Variants in TRIM11 observed in about 807,000 individuals in gnomAD.
The protein encoded by TRIM11 is tripartite motif containing 11, also known as E3 ubiquitin-protein ligase TRIM11.
TRIM11 carries 15 observed loss-of-function variants against 33.4 expected under a neutral mutation model. That is an observed-to-expected ratio of 0.45 (90% confidence interval 0.30 to 0.69). The LOEUF is 0.69. Among genes scored for constraint, TRIM11 ranks in the 30% least tolerant of loss-of-function variants. The pLI is 0.08. For synonymous variants in TRIM11, 281 were observed against 302.6 expected, an observed-to-expected ratio of 0.93 and a Z score of 0.74; for missense variants, 499 against 667.6, an observed-to-expected ratio of 0.75 and a Z score of 2.78.
chr1:228,401,937 C>A lies in TRIM11; in HGVS notation c.504+129G>T, dbSNP rs1407456066. Reference sequence around the variant, plus strand: ...CTTCAGTGGGCTCGGTGGGGCCAGGCTGAAGCAGTGACTGGTCCTGGGGCG... The same window carrying A: ...CTTCAGTGGGCTCGGTGGGGCCAGGATGAAGCAGTGACTGGTCCTGGGGCG... On this transcript the variant is annotated intron_variant, in intron 2 of 5. Transcript: ENST00000284551. The surrounding 1 kb of genome is among the most constrained non-coding windows in gnomAD (Gnocchi z 6.1). 3.2e-6 allele frequency: 2 copies of A among 616,502 alleles called. No individual in the cohort carries two copies. The highest frequency in any genetic ancestry group is 5.2e-6 in the Non-Finnish European group (2 of 382,382). The allele number at this position is 616,502 out of a possible 1,614,324, so 38.2% of individuals were successfully genotyped here.
rs1477133593 is a variant in TRIM11 at position 228,406,598 on chromosome 1, G to T, written c.-37C>A. Reference sequence around the variant, plus strand: ...AGGGGAGGAAGGCGGTACTGTCCGCGGGGCGGCGGCGGGCGGCCTCGGCAG... The same window carrying T: ...AGGGGAGGAAGGCGGTACTGTCCGCTGGGCGGCGGCGGGCGGCCTCGGCAG... On this transcript the variant is annotated 5_prime_UTR_variant, in exon 1 of 6. Transcript: ENST00000284551. The surrounding 1 kb of genome is among the most constrained non-coding windows in gnomAD (Gnocchi z 8.2). 5 of 1,404,612 alleles carry T rather than the reference G, an allele frequency of 3.6e-6. No homozygotes were observed. The African/African-American group carries it at 4.4e-5, about 12-fold the overall frequency. 87.0% of individuals were successfully genotyped at this position (1,404,612 alleles called of 1,614,324 possible).
At chr1:228,402,011 C>T in intron 2 of TRIM11, 55 bp downstream of exon 2, 1 of 1,498,300 alleles carries the variant, frequency 6.7e-7, no homozygotes, top group East Asian at 2.3e-5. Context: ...GTCTCCTATA[C>T]AGGACCTTCA....
Position 228,406,619 on chromosome 1 carries a change from G to A in TRIM11, c.-58C>T. 7.3e-7 allele frequency: 1 copy of A among 1,373,546 alleles called. No homozygotes were observed. The highest frequency in any genetic ancestry group is 9.4e-7 in the Non-Finnish European group (1 of 1,064,706). The allele number at this position is 1,373,546 out of a possible 1,614,324, so 85.1% of individuals were successfully genotyped here. A position where few individuals can be genotyped will look rare whatever the true frequency, so the allele number is the denominator to read the frequency against. On this transcript the variant is annotated 5_prime_UTR_variant, in exon 1 of 6. Transcript: ENST00000284551. This position sits in a 1 kb window ranked among gnomAD's most constrained non-coding sequence, Gnocchi z 8.2. Reference sequence around the variant, plus strand: ...CCGCGGGGCGGCGGCGGGCGGCCTCGGCAGCTCGCGGGGACGCGGGGTATC... The same window carrying A: ...CCGCGGGGCGGCGGCGGGCGGCCTCAGCAGCTCGCGGGGACGCGGGGTATC...
intron 3 of TRIM11, among the ~76,000 whole-genome samples, chr1:228,398,616 A>G (rs2075005813): frequency 1.3e-5 from 2 of 152,208 alleles, no homozygotes. Flanking sequence ...CCCTGTCTCA[A>G]TAAATAATTC....
intron 1 of TRIM11, chr1:228,405,057 C>G (rs1656352716): frequency 6.6e-6 from 1 of 152,224 alleles, no homozygotes; most frequent in African/African-American, 2.4e-5. Context: ...CTCTATAGAG[C>G]TATTGGGCAC....
chr1:228,398,902 C>T (rs1382446908), intron 3 of TRIM11, among the ~76,000 whole-genome samples: 1 of 151,994 alleles, frequency 6.6e-6, no homozygotes, highest in East Asian at 1.9e-4. Context: ...TAGAGGAGAA[C>T]CTTGGCCTCG....
chr1:228,397,318 C>T (rs1196819829), intron 3 of TRIM11, 153 bp from the exon 4 acceptor site: 1 of 782,842 alleles, frequency 1.3e-6, no homozygotes, highest in Non-Finnish European at 2.1e-6. Context: ...AAACCACCCG[C>T]AGCAAGGCTC....
chr1:228,399,324 G>A (rs1574084818), intron 3 of TRIM11, among the ~76,000 whole-genome samples: 1 of 152,162 alleles, frequency 6.6e-6, no homozygotes, highest in South Asian at 2.1e-4. Context: ...CTGGCAGGTT[G>A]GGGGGACAGG....
At chr1:228,399,891 C>CAAAAAAAAAAAAAAAA (rs58986540) in intron 3 of TRIM11, among the ~76,000 whole-genome samples, 33 of 92,232 alleles carry the variant, frequency 3.6e-4, no homozygotes, top group Non-Finnish European at 4.9e-4. Flanking sequence ...AAAAAAAAAA[C>CAAAAAAAAAAAAAAAA]AAAAAAAAAA....
chr1:228,398,649 G>A (rs1057278754), intron 3 of TRIM11, among the ~76,000 whole-genome samples: 2 of 152,076 alleles, frequency 1.3e-5, no homozygotes, highest in Non-Finnish European at 2.9e-5. Flanking sequence ...ATAAAGAGGA[G>A]ACTCTTGGTA....
In TRIM11 at chr1:228,406,779, G is replaced by T; in HGVS notation, c.-218C>A. 2.6e-6 allele frequency: 1 copy of T among 385,476 alleles called. No individual in the cohort carries two copies. Among genetic ancestry groups the T allele is most frequent in the East Asian group, 3.9e-5 (1 of 25,414 alleles). 23.9% of individuals were successfully genotyped at this position (385,476 alleles called of 1,614,324 possible). On this transcript the variant is annotated 5_prime_UTR_variant, in exon 1 of 6. Coordinates refer to ENST00000284551, the MANE Select transcript of TRIM11 (RefSeq NM_145214.3). This position sits in a 1 kb window ranked among gnomAD's most constrained non-coding sequence, Gnocchi z 8.2. ...AGCGCTGGGCGCGTAGGCTCCGAGC[G>T]CTCGGGGGACGCGGGACGTAGGGAT...
intron 3 of TRIM11, 77 bp from the exon 4 acceptor site, chr1:228,397,242 A>G (rs1297839102): frequency 2.6e-6 from 4 of 1,532,878 alleles, no homozygotes; most frequent in Non-Finnish European, 2.7e-6. Flanking sequence ...CCGCCCCTGG[A>G]GCCTCGCCCC....
Position 228,406,260 on chromosome 1 carries a change from G to C in TRIM11, c.302C>G (p.Ala101Gly). 2.0e-6 allele frequency: 3 copies of C among 1,496,648 alleles called. No homozygotes were observed. The highest frequency in any genetic ancestry group is 2.7e-6 in the Non-Finnish European group (3 of 1,129,802). The allele number at this position is 1,496,648 out of a possible 1,614,324, so 92.7% of individuals were successfully genotyped here. A position where few individuals can be genotyped will look rare whatever the true frequency, so the allele number is the denominator to read the frequency against. Residue 101 changes from alanine (A) to glycine (G), a missense_variant, in exon 1 of 6, where the codon GCC becomes GGC. By Grantham distance (60) the Ala-to-Gly change is moderately conservative. Coordinates refer to ENST00000284551, the MANE Select transcript of TRIM11 (RefSeq NM_145214.3). The surrounding 1 kb of genome is among the most constrained non-coding windows in gnomAD (Gnocchi z 8.2). ...GAGGCGCAGCTCGTCGCCACAGAAGGCGGCCAGTGGCTCGCGGTGCGCGGG... is the reference window on the plus strand; with the variant it reads ...GAGGCGCAGCTCGTCGCCACAGAAGCCGGCCAGTGGCTCGCGGTGCGCGGG... Reference protein sequence around the residue: ...VCPAHREPLAAFCGDELRLLC... With the variant: ...VCPAHREPLAGFCGDELRLLC...
chr1:228,396,287 T>C lies in TRIM11; in HGVS notation c.859+660A>G, dbSNP rs2074986364. Reference sequence around the variant, plus strand: ...GTTGAGCCCCATCACCAATGACCAATGATTTAATCAATCATAACCATGTAA... The same window carrying C: ...GTTGAGCCCCATCACCAATGACCAACGATTTAATCAATCATAACCATGTAA... On this transcript the variant is annotated intron_variant, in intron 5 of 5. Coordinates refer to ENST00000284551, the MANE Select transcript of TRIM11 (RefSeq NM_145214.3). 2.3e-5 allele frequency: 5 copies of C among 213,472 alleles called. No homozygotes were observed. The South Asian group carries it at 5.4e-4, about 23-fold the overall frequency. The allele number at this position is 213,472 out of a possible 1,614,324, so 13.2% of individuals were successfully genotyped here.
At chr1:228,396,319 C>A in intron 5 of TRIM11, 1 of 297,070 alleles carries the variant, frequency 3.4e-6, no homozygotes, top group Admixed American at 4.6e-5. Flanking sequence ...GTAATGGAAC[C>A]TCCACAAAGA....
chr1:228,399,356 T>C (rs1437279176), intron 3 of TRIM11, among the ~76,000 whole-genome samples: 2 of 152,150 alleles, frequency 1.3e-5, no homozygotes, highest in East Asian at 1.9e-4. Flanking sequence ...TGAAGCCTTG[T>C]AGCCAGGCCA....
chr1:228,400,985 C>A lies in TRIM11; in HGVS notation c.714G>T (p.Leu238=), dbSNP rs781598138. Residue 238 remains leucine (L), a synonymous_variant, in exon 3 of 6, where the codon CTG becomes CTT. Coordinates refer to ENST00000284551, the MANE Select transcript of TRIM11 (RefSeq NM_145214.3). This position sits in a 1 kb window ranked among gnomAD's most constrained non-coding sequence, Gnocchi z 4.5. ...LIAELEGRCQ[L]PALGLLQDIK... ...TCACCTGCAGCAGCCCCAGAGCAGGCAGCTGGCAGCGGCCCTCGAGCTCGG... is the reference window on the plus strand; with the variant it reads ...TCACCTGCAGCAGCCCCAGAGCAGGAAGCTGGCAGCGGCCCTCGAGCTCGG... The A allele has an allele frequency of 6.3e-7, 1 of 1,585,266 alleles. No individual in the cohort carries two copies. The highest frequency in any genetic ancestry group is 2.3e-5 in the East Asian group (1 of 44,034).
Position 228,403,387 on chromosome 1 carries a change from C to A in TRIM11, c.409-1226G>T. 6.6e-6 allele frequency: 1 copy of A among 152,182 alleles called. No homozygotes were observed. The highest frequency in any genetic ancestry group is 1.5e-5 in the Non-Finnish European group (1 of 68,102). The allele number at this position is 152,182 out of a possible 1,614,324, so 9.4% of individuals were successfully genotyped here. On this transcript the variant is annotated intron_variant, in intron 1 of 5. Coordinates refer to ENST00000284551, the MANE Select transcript of TRIM11 (RefSeq NM_145214.3). The surrounding 1 kb of genome is among the most constrained non-coding windows in gnomAD (Gnocchi z 4.8). ...CCAGCTGCCTGGCTCCAGGTGCTCA[C>A]TTTAGTTCACCACTTGGCCTCACGA...
chr1:228,402,164 G>A lies in TRIM11; in HGVS notation c.409-3C>T, dbSNP rs1342456104. On this transcript the variant is annotated splice_polypyrimidine_tract_variant and splice_region_variant and intron_variant, in intron 1 of 5. Transcript: ENST00000284551. ...TCCAGTGACTTCTCCAGCTTCGCCT[G>A]CGGGAGAGGCCAGGCAGGACCATGA... The A allele has an allele frequency of 2.5e-6, 4 of 1,610,148 alleles. No homozygotes were observed. The highest frequency in any genetic ancestry group is 1.3e-5 in the African/African-American group (1 of 74,786).
Sources: gnomAD v4.1 joint callset for allele counts (sites outside exome capture counted in the v4.1 genomes callset) on GRCh38, gnomAD v4.1.1 for gene constraint, Gnocchi (gnomAD v3.1) non-coding constraint, MANE v1.5 for transcripts, NCBI Gene and HGNC (gene_info 2026-07-23, HGNC 2026-07-21) for gene names.